CEP128: variants seen among roughly 807,000 people sequenced by gnomAD.
CEP128 encodes the protein centrosomal protein 128.
Under a neutral mutation model 156.7 loss-of-function variants are expected in CEP128, and 132 were observed. The observed-to-expected ratio is 0.84, with a 90% confidence interval of 0.73 to 0.97. CEP128 has a LOEUF of 0.97. Ranked by LOEUF, CEP128 falls within the 50% of genes least tolerant of loss-of-function variation. The probability of loss-of-function intolerance (pLI) is 0.00; values close to 1 mark genes in which losing one functional copy is unlikely to be tolerated. For synonymous variants in CEP128, 469 were observed against 448.9 expected, an observed-to-expected ratio of 1.04 and a Z score of -0.57; for missense variants, 1,252 against 1,281.9, an observed-to-expected ratio of 0.98 and a Z score of 0.36.
chr14:80,899,828 G>A (rs953741456), intron 7 of CEP128, 110 bp downstream of exon 7: 9 of 722,804 alleles, frequency 1.2e-5, no homozygotes, highest in Non-Finnish European at 2.1e-5. Context: ...TTAAGGTACT[G>A]TATACAAACA....
chr14:80,957,068 A>C (rs1421319888), intron 2 of CEP128, among the ~76,000 whole-genome samples: 1 of 151,908 alleles, frequency 6.6e-6, no homozygotes, highest in Non-Finnish European at 1.5e-5. Context: ...CATTTCTCTA[A>C]CTTCCCCCTC....
chr14:80,809,522 A>C (rs1174671722), intron 13 of CEP128, among the ~76,000 whole-genome samples: 1 of 152,166 alleles, frequency 6.6e-6, no homozygotes, highest in Non-Finnish European at 1.5e-5. Context: ...AGGGATCCCC[A>C]ATAAGATACA....
At chr14:80,501,077 T>G (rs1275366850) in intron 24 of CEP128, among the ~76,000 whole-genome samples, 1 of 152,192 alleles carries the variant, frequency 6.6e-6, no homozygotes, top group Non-Finnish European at 1.5e-5. Flanking sequence ...TCTATTAGCT[T>G]TTTGTTTGTT....
chr14:80,663,798 T>C (rs1895499006), intron 19 of CEP128, among the ~76,000 whole-genome samples: 1 of 152,194 alleles, frequency 6.6e-6, no homozygotes, highest in Non-Finnish European at 1.5e-5. Context: ...TAATCACAGA[T>C]GGTTCACATA....
At chr14:80,877,818 G>T (rs1345727600) in intron 8 of CEP128, among the ~76,000 whole-genome samples, 1 of 152,116 alleles carries the variant, frequency 6.6e-6, no homozygotes, top group Non-Finnish European at 1.5e-5. Flanking sequence ...CAGGAACCCA[G>T]AGCCTTGAAG....
chr14:80,686,165 T>C (rs1896515632), intron 19 of CEP128, among the ~76,000 whole-genome samples: 1 of 152,012 alleles, frequency 6.6e-6, no homozygotes. Context: ...ACAGACAATC[T>C]ATAGAATGGG....
At chr14:80,797,429 G>A (rs886109908) in intron 13 of CEP128, among the ~76,000 whole-genome samples, 5 of 152,154 alleles carry the variant, frequency 3.3e-5, no homozygotes, top group African/African-American at 1.2e-4. Flanking sequence ...GAGAAAGCAG[G>A]TTTGAATTTG....
At chr14:80,491,141 T>G (rs1468514074) in intron 6 of CEP128, among the ~76,000 whole-genome samples, 1 of 152,200 alleles carries the variant, frequency 6.6e-6, no homozygotes. Flanking sequence ...TACATGCATT[T>G]AAAATTAAGA....
intron 13 of CEP128, among the ~76,000 whole-genome samples, chr14:80,796,123 A>C (rs1354199161): frequency 6.6e-6 from 1 of 152,146 alleles, no homozygotes; most frequent in Non-Finnish European, 1.5e-5. Flanking sequence ...GGTTCACTAC[A>C]TCTGGTGTCC....
At chr14:80,626,631 G>A (rs1468001602) in intron 19 of CEP128, among the ~76,000 whole-genome samples, 2 of 152,158 alleles carry the variant, frequency 1.3e-5, no homozygotes, top group African/African-American at 4.8e-5. Context: ...AAGGGCAGGA[G>A]AAAGAATTCT....
At chr14:80,840,553 G>A in intron 10 of CEP128, 129 bp downstream of exon 10, 1 of 569,154 alleles carries the variant, frequency 1.8e-6, no homozygotes, top group Non-Finnish European at 3.1e-6. Context: ...TGAACCAATT[G>A]ACTCCACATA....
At chr14:80,626,052 T>C (rs1321611733) in intron 19 of CEP128, among the ~76,000 whole-genome samples, 2 of 152,232 alleles carry the variant, frequency 1.3e-5, no homozygotes, top group Non-Finnish European at 2.9e-5. Context: ...TCCTGGAATA[T>C]GTGAATACAT....
At chr14:80,869,941 CAA>C (rs1237341642) in intron 8 of CEP128, among the ~76,000 whole-genome samples, 1 of 151,920 alleles carries the variant, frequency 6.6e-6, no homozygotes, top group African/African-American at 2.4e-5. Context: ...CACAAAAATA[CAA>C]AGTCTTATAA....
At chr14:80,767,817 G>A (rs912208635) in intron 16 of CEP128, among the ~76,000 whole-genome samples, 1 of 152,148 alleles carries the variant, frequency 6.6e-6, no homozygotes, top group Non-Finnish European at 1.5e-5. Context: ...CATATGATTT[G>A]ATGCAGGTTA....
At chr14:80,544,533 C>T (rs956300877) in intron 21 of CEP128, among the ~76,000 whole-genome samples, 1 of 152,146 alleles carries the variant, frequency 6.6e-6, no homozygotes, top group Non-Finnish European at 1.5e-5. Context: ...ATGCAGGCTC[C>T]AACCTCATGA....
chr14:80,721,788 T>C (rs1897826458), intron 19 of CEP128, among the ~76,000 whole-genome samples: 1 of 152,214 alleles, frequency 6.6e-6, no homozygotes, highest in Non-Finnish European at 1.5e-5. Context: ...GTGGATAAAG[T>C]TCATGATATG....
chr14:80,519,907 T>C (rs1467275567), intron 23 of CEP128, among the ~76,000 whole-genome samples: 3 of 152,176 alleles, frequency 2.0e-5, no homozygotes, highest in African/African-American at 7.2e-5. Flanking sequence ...AAGTTTGCTG[T>C]GGTGGAAGCT....
intron 19 of CEP128, among the ~76,000 whole-genome samples, chr14:80,660,309 T>C (rs1339047343): frequency 6.6e-6 from 1 of 152,188 alleles, no homozygotes; most frequent in Non-Finnish European, 1.5e-5. Flanking sequence ...ACATATTACA[T>C]GAATTAACAT....
At chr14:80,883,957 T>G (rs902302387) in intron 8 of CEP128, among the ~76,000 whole-genome samples, 2 of 152,160 alleles carry the variant, frequency 1.3e-5, no homozygotes, top group African/African-American at 4.8e-5. Flanking sequence ...TAGACCAAGT[T>G]GCAAAGAACT....
Sources: allele counts gnomAD v4.1 joint callset (sites outside exome capture counted in the v4.1 genomes callset), GRCh38; gene constraint gnomAD v4.1.1; transcripts MANE v1.5; gene names NCBI Gene and HGNC (gene_info 2026-07-23, HGNC 2026-07-21).